RNF150: variants seen among roughly 807,000 people sequenced by gnomAD.
RNF150 encodes the protein ring finger protein 150.
Under a neutral mutation model 39.3 loss-of-function variants are expected in RNF150, and 24 were observed. That is an observed-to-expected ratio of 0.61 (90% confidence interval 0.44 to 0.86). RNF150 has a LOEUF of 0.86. Ranked by LOEUF, RNF150 falls within the 40% of genes least tolerant of loss-of-function variation. The pLI, the probability that RNF150 is intolerant of heterozygous loss-of-function variation, is 0.00. For synonymous variants in RNF150, 255 were observed against 227.3 expected (o/e 1.12, Z -1.10); for missense variants, 502 against 587.8 (o/e 0.85, Z 1.51).
chr4:141,188,280 T>G (rs929494112), intron 1 of RNF150, among the ~76,000 whole-genome samples: 8 of 152,184 alleles, frequency 5.3e-5, no homozygotes. Flanking sequence ...GCCCTTAACA[T>G]TTTTTCCTTC....
At chr4:141,174,887 G>GA (rs548297378) in intron 1 of RNF150, among the ~76,000 whole-genome samples, 6,369 of 126,472 alleles carry the variant, frequency 0.05, 270 homozygotes, top group African/African-American at 0.13. Flanking sequence ...CCTGTATCAG[G>GA]AAAAAAAAAA....
chr4:141,075,219 G>A (rs1028834793), intron 1 of RNF150, among the ~76,000 whole-genome samples: 1 of 152,212 alleles, frequency 6.6e-6, no homozygotes, highest in Non-Finnish European at 1.5e-5. Context: ...ATTATCTGTT[G>A]CAACTATTCA....
intron 1 of RNF150, among the ~76,000 whole-genome samples, chr4:141,039,389 G>A (rs143386077): frequency 4.0e-5 from 6 of 150,396 alleles, no homozygotes; most frequent in Admixed American, 1.3e-4. Context: ...AAAGGGGAGG[G>A]AGGAGGTAGA....
intron 6 of RNF150, among the ~76,000 whole-genome samples, chr4:140,898,937 T>C (rs369356216): frequency 1.6e-4 from 24 of 152,318 alleles, no homozygotes; most frequent in African/African-American, 5.3e-4. Flanking sequence ...AATGAGTGAT[T>C]TGTTTGACAA....
At chr4:141,023,588 T>C (rs908841320) in intron 1 of RNF150, among the ~76,000 whole-genome samples, 2 of 152,092 alleles carry the variant, frequency 1.3e-5, no homozygotes, top group African/African-American at 4.8e-5. Flanking sequence ...TTACCTAATA[T>C]ATGCAAAATA....
intron 1 of RNF150, among the ~76,000 whole-genome samples, chr4:141,138,846 G>A (rs1443765454): frequency 6.6e-6 from 1 of 152,174 alleles, no homozygotes; most frequent in Non-Finnish European, 1.5e-5. Context: ...ATTTCAAGGA[G>A]GGGTCAGGAC....
chr4:140,960,968 G>C (rs1020609075), intron 2 of RNF150, among the ~76,000 whole-genome samples: 2 of 152,010 alleles, frequency 1.3e-5, no homozygotes, highest in African/African-American at 4.8e-5. Flanking sequence ...TTTACATGTG[G>C]GGAAGCCTGG....
intron 2 of RNF150, among the ~76,000 whole-genome samples, chr4:140,961,853 A>G (rs1477596834): frequency 6.6e-6 from 1 of 152,078 alleles, no homozygotes; most frequent in African/African-American, 2.4e-5. Context: ...TGTTTTTCAT[A>G]TACCTCACAG....
At chr4:141,138,316 GCAAT>G, upstream of RNF150, among the ~76,000 whole-genome samples, 1 of 151,912 alleles carries the variant, frequency 6.6e-6, no homozygotes, top group Non-Finnish European at 1.5e-5. Flanking sequence ...CATTTTTAAT[GCAAT>G]CAAACAGGCA....
intron 1 of RNF150, among the ~76,000 whole-genome samples, chr4:140,998,310 G>A (rs1734458532): frequency 1.3e-5 from 2 of 151,942 alleles, no homozygotes; most frequent in Non-Finnish European, 2.9e-5. Flanking sequence ...AAGTCATAAG[G>A]GTGAGGCCCT....
At chr4:141,034,543 C>T (rs574336617) in intron 1 of RNF150, among the ~76,000 whole-genome samples, 9 of 152,126 alleles carry the variant, frequency 5.9e-5, no homozygotes, top group Non-Finnish European at 1.2e-4. Context: ...GTTTAAGAGG[C>T]CTAGTTTTCA....
intron 1 of RNF150, among the ~76,000 whole-genome samples, chr4:141,208,178 C>T (rs1428942083): frequency 6.6e-6 from 1 of 152,204 alleles, no homozygotes; most frequent in Non-Finnish European, 1.5e-5. Context: ...GCTTCTTCCT[C>T]GGTTCTGCTT....
intron 1 of RNF150, among the ~76,000 whole-genome samples, chr4:141,128,638 C>T (rs1190468621): frequency 6.6e-6 from 1 of 152,046 alleles, no homozygotes; most frequent in Non-Finnish European, 1.5e-5. Context: ...TTTGCTATGG[C>T]CTTCTTGGTG....
intron 6 of RNF150, among the ~76,000 whole-genome samples, chr4:140,890,434 T>C (rs1454248617): frequency 6.6e-6 from 1 of 152,204 alleles, no homozygotes; most frequent in Admixed American, 6.5e-5. Flanking sequence ...GTGTGCTAAA[T>C]GTTTCTGTTC....
chr4:140,995,838 T>C (rs1223692971), intron 1 of RNF150, among the ~76,000 whole-genome samples: 2 of 152,186 alleles, frequency 1.3e-5, no homozygotes, highest in African/African-American at 2.4e-5. Flanking sequence ...TAGTACTCCA[T>C]TGTGTATATG....
rs185646974 is a variant in RNF150 at position 141,062,401 on chromosome 4, G to A, written c.484+69924C>T. ...TATATGTATGTCTACACACACACAC[G>A]CACATACAGTAGCAAGTCTGAAAGG... On this transcript the variant is annotated intron_variant, in intron 1 of 6. Transcript: ENST00000515673. Among the ~76,000 whole-genome samples, 683 of 151,736 alleles carry A rather than the reference G, an allele frequency of 4.5e-3. 4 individuals carry two copies. Among genetic ancestry groups the A allele is most frequent in the Non-Finnish European group, 3.7e-3 (253 of 67,900 alleles).
At chr4:141,189,183 T>C (rs1728064011) in intron 1 of RNF150, among the ~76,000 whole-genome samples, 1 of 151,500 alleles carries the variant, frequency 6.6e-6, no homozygotes, top group Admixed American at 6.6e-5. Context: ...TGGAGTTTGC[T>C]GCAGGTCCAC....
chr4:140,912,322 T>A (rs1730637760), intron 5 of RNF150, among the ~76,000 whole-genome samples: 1 of 152,160 alleles, frequency 6.6e-6, no homozygotes, highest in Non-Finnish European at 1.5e-5. Flanking sequence ...AAGGTGGTGG[T>A]GGAGGAATAT....
rs539372276 is a variant in RNF150, at chr4:141,206,693, T to A, written c.-6+6101A>T. Among the ~76,000 whole-genome samples, 145 of 152,160 alleles carry A rather than the reference T, an allele frequency of 9.5e-4. 3 individuals carry two copies. Among genetic ancestry groups the A allele is most frequent in the African/African-American group, 3.2e-3 (133 of 41,482 alleles). ...TTGCAGGTTGTATTAGTTAGGGTTC[T>A]CTAGAGGGACAGAACCAATAGGATA... On this transcript the variant is annotated intron_variant, in intron 1 of 7. Coordinates refer to the RNF150 transcript ENST00000420921.
Sources: gnomAD v4.1 joint callset for allele counts (sites outside exome capture counted in the v4.1 genomes callset) on GRCh38, gnomAD v4.1.1 for gene constraint, MANE v1.5 for transcripts, NCBI Gene and HGNC (gene_info 2026-07-23, HGNC 2026-07-21) for gene names.